COL5A2: variants seen among roughly 807,000 people sequenced by gnomAD.
COL5A2 encodes the protein collagen type V alpha 2 chain.
COL5A2 carries 23 observed loss-of-function variants against 208.2 expected under a neutral mutation model. The observed-to-expected ratio is 0.11, with a 90% CI of 0.08 to 0.16. The LOEUF is 0.16. Among genes scored for constraint, COL5A2 ranks in the 10% least tolerant of loss-of-function variants. The pLI, the probability that COL5A2 is intolerant of heterozygous loss-of-function variation, is 1.00. For synonymous variants in COL5A2, 625 were observed against 628.5 expected (o/e 0.99, Z 0.08); for missense variants, 1,590 against 1,956.4 (o/e 0.81, Z 3.53).
the COL5A2 span, among the ~76,000 whole-genome samples, chr2:189,345,247 T>C: frequency 6.6e-6 from 1 of 152,196 alleles, no homozygotes; most frequent in Non-Finnish European, 1.5e-5. Context: ...CAACATCAGT[T>C]CTATGGAACA....
chr2:189,127,522 C>T (rs920730202), intron 1 of COL5A2, among the ~76,000 whole-genome samples: 1 of 151,908 alleles, frequency 6.6e-6, no homozygotes, highest in Non-Finnish European at 1.5e-5. Context: ...ATTTATTTTA[C>T]TTTTTCACAC....
intron 51 of COL5A2, 24 bp from the exon 52 acceptor site, chr2:189,036,827 A>G: frequency 6.5e-7 from 1 of 1,545,638 alleles, no homozygotes; most frequent in African/African-American, 1.4e-5. Flanking sequence ...TAGAAATTTT[A>G]CTAAATAAAG....
At chr2:189,230,371 G>A in the COL5A2 span, among the ~76,000 whole-genome samples, 1 of 151,746 alleles carries the variant, frequency 6.6e-6, no homozygotes. Flanking sequence ...AAGGAAACAA[G>A]AGAGTCAAAA....
At chr2:189,172,944 A>C (rs1439649456) in intron 1 of COL5A2, among the ~76,000 whole-genome samples, 4 of 149,040 alleles carry the variant, frequency 2.7e-5, no homozygotes. Context: ...AATATTAATT[A>C]ATATTGTTAA....
At chr2:189,079,900 G>T in intron 14 of COL5A2, 78 bp downstream of exon 14, 3 of 1,207,252 alleles carry the variant, frequency 2.5e-6, no homozygotes, top group Non-Finnish European at 3.7e-6. Flanking sequence ...AATTAAGGTG[G>T]TTCTGAAAAA....
chr2:189,091,650 A>T (rs942637856), intron 7 of COL5A2, among the ~76,000 whole-genome samples: 1 of 152,186 alleles, frequency 6.6e-6, no homozygotes, highest in Non-Finnish European at 1.5e-5. Flanking sequence ...ACATAAGTTT[A>T]TATGCACTGG....
chr2:189,417,574 G>C, the COL5A2 span, among the ~76,000 whole-genome samples: 1 of 151,798 alleles, frequency 6.6e-6, no homozygotes, highest in African/African-American at 2.4e-5. Context: ...ACATTAATTT[G>C]ATGAGGGATT....
the COL5A2 span, among the ~76,000 whole-genome samples, chr2:189,424,651 T>G: frequency 2.6e-5 from 4 of 152,116 alleles, no homozygotes; most frequent in Non-Finnish European, 4.4e-5. Flanking sequence ...CATAAAACAT[T>G]TATGAGATAA....
rs1486401564 is a variant in COL5A2 at position 189,042,785 on chromosome 2, T to C, written c.3472-12A>G. 6.2e-7 allele frequency: 1 copy of C among 1,601,750 alleles called. No homozygotes were observed. The highest frequency in any genetic ancestry group is 8.5e-7 in the Non-Finnish European group (1 of 1,172,298). On this transcript the variant is annotated splice_polypyrimidine_tract_variant and intron_variant, in intron 48 of 53. Transcript: ENST00000374866. ...TCACCATTTGGACCCTAAGTAGGAA[T>C]ACAATAAAAAATGTTGCCAAAATAT...
chr2:189,107,466 T>C (rs943893346), intron 2 of COL5A2, among the ~76,000 whole-genome samples: 1 of 151,516 alleles, frequency 6.6e-6, no homozygotes, highest in African/African-American at 2.4e-5. Flanking sequence ...TGGGTTTTTA[T>C]GGGACCATGT....
At chr2:189,124,866 A>G (rs1239631467) in intron 1 of COL5A2, among the ~76,000 whole-genome samples, 1 of 152,024 alleles carries the variant, frequency 6.6e-6, no homozygotes, top group Non-Finnish European at 1.5e-5. Flanking sequence ...ACTGGCAATA[A>G]GGATTAGAAA....
intron 16 of COL5A2, among the ~76,000 whole-genome samples, 166 bp downstream of exon 16, chr2:189,078,350 T>C (rs1229348167): frequency 6.6e-6 from 1 of 151,564 alleles, no homozygotes; most frequent in African/African-American, 2.4e-5. Flanking sequence ...CTCTGTACTT[T>C]CTTTTCAACT....
chr2:189,410,386 A>G, the COL5A2 span, among the ~76,000 whole-genome samples: 1 of 151,780 alleles, frequency 6.6e-6, no homozygotes, highest in Non-Finnish European at 1.5e-5. Flanking sequence ...CCTGACCAAG[A>G]CCCCCATCTC....
chr2:189,337,143 T>A, the COL5A2 span, among the ~76,000 whole-genome samples: 2 of 152,154 alleles, frequency 1.3e-5, no homozygotes, highest in Admixed American at 6.5e-5. Context: ...AATACTCCTT[T>A]CTAGCAGCAT....
chr2:189,168,071 G>A (rs1446698759), intron 1 of COL5A2, among the ~76,000 whole-genome samples: 1 of 151,650 alleles, frequency 6.6e-6, no homozygotes, highest in East Asian at 1.9e-4. Flanking sequence ...CCGAGTAGCT[G>A]GGACTACAGG....
the COL5A2 span, among the ~76,000 whole-genome samples, chr2:189,433,808 G>C: frequency 3.3e-5 from 5 of 152,184 alleles, no homozygotes; most frequent in South Asian, 6.2e-4. Flanking sequence ...CAGAAAAAGA[G>C]AGAATCCTCC....
chr2:189,247,910 A>G, the COL5A2 span, among the ~76,000 whole-genome samples: 1 of 152,196 alleles, frequency 6.6e-6, no homozygotes, highest in Admixed American at 6.5e-5. Context: ...AACTACCACA[A>G]TATAGCAAGC....
chr2:189,120,755 T>C (rs755378128), intron 1 of COL5A2, among the ~76,000 whole-genome samples: 13 of 152,228 alleles, frequency 8.5e-5, no homozygotes, highest in African/African-American at 1.2e-4. Flanking sequence ...CCAGCCATAA[T>C]AATGGCTAAG....
chr2:189,218,209 A>T lies in COL5A2; in HGVS notation c.-42+6939T>A, dbSNP rs1257043766. ...TAATGGGTTGAATACTTTCTCCCTCAAATTCCCATTCCCTGGAAACCTCAG... is the reference window on the plus strand; with the variant it reads ...TAATGGGTTGAATACTTTCTCCCTCTAATTCCCATTCCCTGGAAACCTCAG... On this transcript the variant is annotated intron_variant, in intron 1 of 10. Coordinates refer to the COL5A2 transcript ENST00000649966. Among the ~76,000 whole-genome samples, 5 of 152,182 alleles carry T rather than the reference A, an allele frequency of 3.3e-5. No individual in the cohort carries two copies. The East Asian group carries it at 9.6e-4, about 29-fold the overall frequency.
Sources: allele counts gnomAD v4.1 joint callset (sites outside exome capture counted in the v4.1 genomes callset), GRCh38; gene constraint gnomAD v4.1.1; transcripts MANE v1.5; gene names NCBI Gene and HGNC (gene_info 2026-07-23, HGNC 2026-07-21).